The following FHIP1B variants were observed in gnomAD, a reference collection of about 807,000 sequenced individuals.
FHIP1B encodes the protein FHF complex subunit HOOK interacting protein 1B, also known as FHF complex subunit HOOK-interacting protein 1B.
A neutral mutation model predicts 82.2 loss-of-function variants in FHIP1B; 28 were observed. The observed-to-expected ratio is 0.34, with a 90% CI of 0.25 to 0.47. FHIP1B has a LOEUF of 0.47. Among genes scored for constraint, FHIP1B ranks in the 20% least tolerant of loss-of-function variants. The probability of loss-of-function intolerance (pLI) is 1.00; values close to 1 mark genes in which losing one functional copy is unlikely to be tolerated. For synonymous variants in FHIP1B, 585 were observed against 516.1 expected, an observed-to-expected ratio of 1.13 and a Z score of -1.81; for missense variants, 1,110 against 1,262.6, an observed-to-expected ratio of 0.88 and a Z score of 1.83.
At chr11:6,232,635 T>TC (rs1847726549) in intron 1 of FHIP1B, among the ~76,000 whole-genome samples, 1 of 152,232 alleles carries the variant, frequency 6.6e-6, no homozygotes, top group African/African-American at 2.4e-5. Context: ...ACAAGGTATC[T>TC]ATATAAATCA....
Position 6,222,796 on chromosome 11 carries a change from AC to A in FHIP1B, c.1023+14del, listed in dbSNP as rs1347563219. 1 of 1,613,140 alleles carries A rather than the reference AC, an allele frequency of 6.2e-7. No homozygotes were observed. The highest frequency in any genetic ancestry group is 2.2e-5 in the East Asian group (1 of 44,890). On this transcript the variant is annotated intron_variant, in intron 5 of 11. Transcript: ENST00000449352. ...AGCTTAGCCCCTTATATGCCTTGCCACCCATGACTCTCACCTTGTGCAAGGC... is the reference window on the plus strand; with the variant it reads ...AGCTTAGCCCCTTATATGCCTTGCCACCATGACTCTCACCTTGTGCAAGGC...
chr11:6,227,730 C>T (rs11040811), intron 1 of FHIP1B, among the ~76,000 whole-genome samples: 27 of 152,080 alleles, frequency 1.8e-4, no homozygotes, highest in African/African-American at 5.5e-4. Context: ...AACAGCAGAT[C>T]ATGAAAGGAG....
At chr11:6,231,605 G>A (rs922536376) in intron 1 of FHIP1B, among the ~76,000 whole-genome samples, 3 of 151,610 alleles carry the variant, frequency 2.0e-5, no homozygotes, top group South Asian at 2.1e-4. Flanking sequence ...GGAGTAGCCA[G>A]GACCACAAGT....
chr11:6,218,500 C>G (rs1847313255), intron 8 of FHIP1B, 100 bp downstream of exon 8: 1 of 1,536,480 alleles, frequency 6.5e-7, no homozygotes, highest in African/African-American at 1.4e-5. Flanking sequence ...TCATGGACAC[C>G]TTCCTCCCCT....
intron 8 of FHIP1B, 151 bp downstream of exon 8, chr11:6,218,449 G>A: frequency 8.1e-7 from 1 of 1,234,928 alleles, no homozygotes; most frequent in Admixed American, 2.2e-5. Context: ...GGTCCTCCCT[G>A]CAAGACACCC....
In FHIP1B at chr11:6,211,720, G is replaced by T. The variant is rs373859617; in HGVS notation, c.2705C>A (p.Thr902Asn). The change falls in exon 12 of 12, where the codon ACT (threonine) becomes AAT (asparagine). Residue 902 changes from threonine (T) to asparagine (N), a missense_variant. Transcript: ENST00000449352. ...GLSGGSPGAS[T>N]PVLLTRGGAP... is the part of the protein sequence containing the mutation. ...CCCGCCCCGGGTGAGTAGAACTGGA[G>T]TTGAAGCCCCAGGGGAGCCCCCACT... is the stretch of plus-strand genomic sequence containing the variant. 2.5e-6 allele frequency: 4 copies of T among 1,614,246 alleles called. No homozygotes were observed. The highest frequency in any genetic ancestry group is 1.7e-5 in the Admixed American group (1 of 60,024).
At chr11:6,227,461 G>A (rs758370519) in intron 1 of FHIP1B, among the ~76,000 whole-genome samples, 6 of 152,196 alleles carry the variant, frequency 3.9e-5, no homozygotes, top group Non-Finnish European at 7.4e-5. Flanking sequence ...AGGAAGTATA[G>A]GAGATTCAGT....
At chr11:6,232,849 G>C (rs1847732690) in intron 1 of FHIP1B, among the ~76,000 whole-genome samples, 1 of 151,822 alleles carries the variant, frequency 6.6e-6, no homozygotes, top group South Asian at 2.1e-4. Flanking sequence ...GGGTAAATTA[G>C]ATCTTTTTTT....
chr11:6,227,610 ATACCATACTTGAG>A (rs1372910224), intron 1 of FHIP1B, among the ~76,000 whole-genome samples: 1 of 152,232 alleles, frequency 6.6e-6, no homozygotes, highest in East Asian at 1.9e-4. Flanking sequence ...GCAAGTAGGA[ATACCATACTTGAG>A]ATAATGAATA....
chr11:6,224,159 C>T lies in FHIP1B; in HGVS notation c.228G>A (p.Met76Ile). 1 of 1,614,044 alleles carries T rather than the reference C, an allele frequency of 6.2e-7. No homozygotes were observed. The highest frequency in any genetic ancestry group is 8.5e-7 in the Non-Finnish European group (1 of 1,179,980). The stretch of plus-strand genomic sequence containing the variant: ...CACGGTCCTCTGCCAGCAGTGTCAA[C>T]ATCTGGTAAGTGTGGTTGCGCACAG... ...LSAVRNHTYQ[M>I]LTLLAEDRAV... Residue 76 changes from methionine to isoleucine, a missense_variant, in exon 3 of 12, where the codon ATG becomes ATA. Coordinates refer to ENST00000449352, the MANE Select transcript of FHIP1B (RefSeq NM_001098794.2).
At position 6,211,824 on chromosome 11, in the gene FHIP1B, A is replaced by G. The variant is rs371617362; in HGVS notation, c.2601T>C (p.His867=). 4.2e-5 allele frequency: 67 copies of G among 1,604,398 alleles called. No homozygotes were observed. The East Asian group carries it at 1.2e-3, about 29-fold the overall frequency. ...RPSLGELLLR[H]AHSPTRARQA... is the part of the protein sequence containing the mutation. ...GCCGGGCCCTGGTTGGACTGTGTGC[A>G]TGCCGCAGGAGTAACTCCCCCAAGG... The change falls in exon 12 of 12, where the codon CAT becomes CAC. Residue 867 remains histidine, a synonymous_variant. Transcript: ENST00000449352.
Position 6,219,044 on chromosome 11 carries a change from T to C in FHIP1B, c.1198A>G (p.Met400Val). Residue 400 changes from methionine (M) to valine (V), a missense_variant, in exon 7 of 12, where the codon ATG (methionine) becomes GTG (valine). Physicochemically the swap from Met to Val is conservative, Grantham distance 21. This residue lies in a region of FHIP1B where 467 missense variants were observed against 602.9 expected (regional missense o/e 0.77). Transcript: ENST00000449352. The part of the protein sequence containing the change: ...ARIGSNSRLC[M>V]VSLSLFRTLL... ...GTCCTGAAGAGACTCAGAGAGACCA[T>C]GCAGAGCTGGGGGGGTGGAGGGGAG... The C allele has an allele frequency of 6.2e-7, 1 of 1,609,230 alleles. No individual in the cohort carries two copies. The highest frequency in any genetic ancestry group is 1.1e-5 in the South Asian group (1 of 90,760).
chr11:6,219,187 C>T, intron 6 of FHIP1B, 137 bp from the exon 7 acceptor site: 1 of 636,564 alleles, frequency 1.6e-6, no homozygotes, highest in Non-Finnish European at 2.9e-6. Flanking sequence ...GACCATGTAC[C>T]ATGCCTGGCA....
chr11:6,224,203 C>G lies in FHIP1B; in HGVS notation c.184G>C (p.Gly62Arg). Residue 62 changes from glycine to arginine, a missense_variant, in exon 3 of 12, where the codon GGT becomes CGT. By Grantham distance (125) the Gly-to-Arg change is moderately radical. Transcript: ENST00000449352. ...CGCACAGCACTGAGATCGTCTGCAC[C>G]CCCAGGAGCTGCCCGAGGGCCTTGC... ...ERQGPRAAPGGADDLSAVRNH... is the reference protein window; with the variant it reads ...ERQGPRAAPGRADDLSAVRNH... 1.9e-6 allele frequency: 3 copies of G among 1,611,790 alleles called. No individual in the cohort carries two copies. Among genetic ancestry groups the G allele is most frequent in the Non-Finnish European group, 8.5e-7 (1 of 1,178,702 alleles).
chr11:6,233,990 A>G (rs530327980), intron 1 of FHIP1B, among the ~76,000 whole-genome samples: 4 of 152,170 alleles, frequency 2.6e-5, no homozygotes, highest in Non-Finnish European at 5.9e-5. Context: ...CAGAATATGG[A>G]AAGTCCATGG....
At position 6,224,237 on chromosome 11, in the gene FHIP1B, G is replaced by A; in HGVS notation, c.150C>T (p.Ile50=). The part of the protein sequence containing the change: ...FKNHWSQVVR[I]LERQGPRAAP... ...CTGCCCGAGGGCCTTGCCGCTCCAGGATTCGCACCACCTAGGGAAAAAGGA... is the reference window on the plus strand; with the variant it reads ...CTGCCCGAGGGCCTTGCCGCTCCAGAATTCGCACCACCTAGGGAAAAAGGA... The change falls in exon 3 of 12, where the codon ATC becomes ATT. Residue 50 remains isoleucine, a synonymous_variant. Transcript: ENST00000449352. 6.2e-7 allele frequency: 1 copy of A among 1,610,656 alleles called. No individual in the cohort carries two copies.
chr11:6,215,165 T>G, intron 9 of FHIP1B: 1 of 358,340 alleles, frequency 2.8e-6, no homozygotes, highest in Admixed American at 4.6e-5. Context: ...CTCTGGACTC[T>G]GAAAGATCTG....
intron 9 of FHIP1B, among the ~76,000 whole-genome samples, chr11:6,215,590 A>AG (rs1847204071): frequency 6.6e-6 from 1 of 152,246 alleles, no homozygotes; most frequent in Non-Finnish European, 1.5e-5. Flanking sequence ...AGAAGACATC[A>AG]GTTTTGTCTT....
At position 6,211,533 on chromosome 11, in the gene FHIP1B, G is replaced by A; in HGVS notation, c.2892C>T (p.Ile964=). ...ETSEEGSGPL[I]SGCGPLNP Reference sequence around the variant, plus strand: ...AAGGATTGAGGGGCCCACAGCCTGAGATGAGAGGGCCAGATCCTTCCTCTG... The same window carrying A: ...AAGGATTGAGGGGCCCACAGCCTGAAATGAGAGGGCCAGATCCTTCCTCTG... Residue 964 remains isoleucine (I), a synonymous_variant, in exon 12 of 12, where the codon ATC becomes ATT. Transcript: ENST00000449352. 6.2e-7 allele frequency: 1 copy of A among 1,608,376 alleles called. No homozygotes were observed. The highest frequency in any genetic ancestry group is 8.5e-7 in the Non-Finnish European group (1 of 1,177,676).
Sources: gnomAD v4.1 joint callset for allele counts (sites outside exome capture counted in the v4.1 genomes callset) on GRCh38, gnomAD v4.1.1 for gene constraint, gnomAD v4.1.1 regional missense constraint, MANE v1.5 for transcripts, NCBI Gene and HGNC (gene_info 2026-07-23, HGNC 2026-07-21) for gene names.